KIAA0825: variants seen among roughly 807,000 people sequenced by gnomAD.
The protein encoded by KIAA0825 is KIAA0825, also known as uncharacterized protein KIAA0825.
Under a neutral mutation model 147.6 loss-of-function variants are expected in KIAA0825, and 119 were observed. The observed-to-expected ratio is 0.81, with a 90% CI of 0.69 to 0.94. The LOEUF (loss-of-function observed/expected upper bound fraction) is 0.94, where lower values mean the gene tolerates loss of function less well. Among genes scored for constraint, KIAA0825 ranks in the 40% least tolerant of loss-of-function variants. KIAA0825 has a pLI of 0.00. For synonymous variants in KIAA0825, 470 were observed against 518.1 expected, an observed-to-expected ratio of 0.91 and a Z score of 1.26; for missense variants, 1,381 against 1,472.7, an observed-to-expected ratio of 0.94 and a Z score of 1.02.
At chr5:94,616,553 C>T (rs1057287150) in intron 1 of KIAA0825, among the ~76,000 whole-genome samples, 6 of 152,134 alleles carry the variant, frequency 3.9e-5, no homozygotes, top group Non-Finnish European at 7.4e-5. Context: ...CACATGCACA[C>T]ACAAATATAC....
chr5:94,546,998 T>C (rs1774541760), intron 2 of KIAA0825, among the ~76,000 whole-genome samples: 1 of 151,800 alleles, frequency 6.6e-6, no homozygotes, highest in Non-Finnish European at 1.5e-5. Flanking sequence ...TTTTATCAGA[T>C]AACTTTAACA....
At chr5:94,441,057 G>A (rs1387540262) in intron 13 of KIAA0825, among the ~76,000 whole-genome samples, 2 of 152,076 alleles carry the variant, frequency 1.3e-5, no homozygotes, top group Non-Finnish European at 2.9e-5. Flanking sequence ...ATGCTTCAGG[G>A]TGGAAAGTAA....
intron 1 of KIAA0825, among the ~76,000 whole-genome samples, chr5:94,591,259 C>T (rs982179645): frequency 1.3e-5 from 2 of 152,152 alleles, no homozygotes; most frequent in African/African-American, 2.4e-5. Flanking sequence ...ATATCCATGG[C>T]AGAGAGTGGA....
chr5:94,610,255 A>G (rs551638243), intron 1 of KIAA0825, among the ~76,000 whole-genome samples: 3 of 151,456 alleles, frequency 2.0e-5, no homozygotes, highest in African/African-American at 7.3e-5. Context: ...CCCCATCTCT[A>G]CTAAAAATAC....
intron 14 of KIAA0825, among the ~76,000 whole-genome samples, chr5:94,431,541 AAGTAC>A (rs749952675): frequency 2.6e-5 from 4 of 152,192 alleles, no homozygotes; most frequent in Non-Finnish European, 5.9e-5. Flanking sequence ...TGACAAAAAG[AAGTAC>A]AGTGGGACCT....
intron 20 of KIAA0825, among the ~76,000 whole-genome samples, chr5:94,351,747 G>T (rs745787756): frequency 2.0e-5 from 3 of 152,130 alleles, no homozygotes; most frequent in Non-Finnish European, 4.4e-5. Context: ...TAGGCACATA[G>T]CCCAATGGAA....
intron 20 of KIAA0825, among the ~76,000 whole-genome samples, chr5:94,287,718 G>A (rs567372299): frequency 6.6e-6 from 1 of 152,266 alleles, no homozygotes; most frequent in African/African-American, 2.4e-5. Context: ...CTTGTGAAAT[G>A]TCAGTCTCCC....
chr5:94,487,269 CA>C (rs1373407463), intron 5 of KIAA0825, among the ~76,000 whole-genome samples: 1 of 152,122 alleles, frequency 6.6e-6, no homozygotes, highest in East Asian at 1.9e-4. Flanking sequence ...TAAATCTAAT[CA>C]TTTTTTTGTC....
chr5:94,489,046 T>C (rs942553066), intron 5 of KIAA0825, among the ~76,000 whole-genome samples: 3 of 152,218 alleles, frequency 2.0e-5, no homozygotes, highest in African/African-American at 7.2e-5. Context: ...TTTCCTTTCA[T>C]TGTTAGACCT....
chr5:94,577,665 A>G (rs1018587628), intron 2 of KIAA0825, among the ~76,000 whole-genome samples: 3 of 152,222 alleles, frequency 2.0e-5, no homozygotes, highest in Non-Finnish European at 4.4e-5. Flanking sequence ...ACACATAGGT[A>G]TATTTCTGAA....
chr5:94,428,409 C>T (rs1361873391), intron 14 of KIAA0825, among the ~76,000 whole-genome samples: 2 of 152,174 alleles, frequency 1.3e-5, no homozygotes, highest in Non-Finnish European at 2.9e-5. Flanking sequence ...ATATTTAGAA[C>T]TCCTGTAAGA....
At chr5:94,602,354 GA>G (rs112705666) in intron 1 of KIAA0825, among the ~76,000 whole-genome samples, 254 of 136,786 alleles carry the variant, frequency 1.9e-3, no homozygotes, top group Admixed American at 2.7e-3. Context: ...CTGTCTCAAA[GA>G]AAAAAAAAAA....
chr5:94,422,347 C>T, intron 14 of KIAA0825, among the ~76,000 whole-genome samples: 1 of 152,098 alleles, frequency 6.6e-6, no homozygotes, highest in East Asian at 1.9e-4. Context: ...GCTAAATTCC[C>T]CCCAGTTTAT....
At chr5:94,232,797 A>G (rs576935878) in intron 20 of KIAA0825, among the ~76,000 whole-genome samples, 26 of 152,268 alleles carry the variant, frequency 1.7e-4, no homozygotes, top group African/African-American at 6.3e-4. Context: ...GAAAGATTCC[A>G]TAGTTGGAAT....
chr5:94,255,839 G>A (rs1252680795), intron 20 of KIAA0825, among the ~76,000 whole-genome samples: 1 of 145,882 alleles, frequency 6.9e-6, no homozygotes, highest in African/African-American at 2.5e-5. Flanking sequence ...TCAGCCTCCT[G>A]AGTAGCTAAG....
In KIAA0825 at chr5:94,524,008, C is replaced by G. The variant is rs1316867566; in HGVS notation, c.222G>C (p.Trp74Cys). The G allele has an allele frequency of 1.9e-6, 3 of 1,608,962 alleles. No homozygotes were observed. The highest frequency in any genetic ancestry group is 1.3e-5 in the African/African-American group (1 of 74,710). ...ATGTACTGTAATTATAGTTAGTTAG[C>G]CATTCAAAGCAGTCAGTTGTTGTTT... The part of the protein sequence containing the change: ...QLQTTTDCFE[W>C]LTNYNYSTSE... Residue 74 changes from tryptophan to cysteine, a missense_variant, in exon 4 of 21, where the codon TGG becomes TGC. By Grantham distance (215) the Trp-to-Cys change is radical (BLOSUM62 -2). Transcript: ENST00000682413.
chr5:94,152,995 G>A lies in KIAA0825; in HGVS notation c.*1012C>T, dbSNP rs924206858. The A allele has an allele frequency of 7.0e-6, 1 of 143,300 alleles. No individual in the cohort carries two copies. Among genetic ancestry groups the A allele is most frequent in the Non-Finnish European group, 1.5e-5 (1 of 66,162 alleles). The allele number at this position is 143,300 out of a possible 1,614,324, so 8.9% of individuals were successfully genotyped here. On this transcript the variant is annotated 3_prime_UTR_variant, in exon 21 of 21. Coordinates refer to ENST00000682413, the MANE Select transcript of KIAA0825 (RefSeq NM_001145678.3). ...GGCAGCTATTTAATCAATTGTGTTC[G>A]TTAACTGTCCACTTGATGAAATAAC...
At chr5:94,284,896 T>G (rs566146965) in intron 20 of KIAA0825, among the ~76,000 whole-genome samples, 1 of 152,294 alleles carries the variant, frequency 6.6e-6, no homozygotes, top group South Asian at 2.1e-4. Flanking sequence ...TATCGTGTAC[T>G]AATTTCTATA....
chr5:94,464,526 A>G (rs776593121), intron 11 of KIAA0825, among the ~76,000 whole-genome samples: 24 of 152,168 alleles, frequency 1.6e-4, no homozygotes, highest in Non-Finnish European at 4.4e-5. Flanking sequence ...TGACTGCTCC[A>G]TCATGGCATG....
Sources: allele counts gnomAD v4.1 joint callset (sites outside exome capture counted in the v4.1 genomes callset), GRCh38; gene constraint gnomAD v4.1.1; transcripts MANE v1.5; gene names NCBI Gene and HGNC (gene_info 2026-07-23, HGNC 2026-07-21).